PPFIA2: variants seen among roughly 807,000 people sequenced by gnomAD.
The protein encoded by PPFIA2 is liprin-alpha-2.
In PPFIA2, 46 loss-of-function variants were observed where a neutral mutation model predicts 175.5. The observed-to-expected ratio is 0.26, with a 90% CI of 0.21 to 0.34. PPFIA2 has a LOEUF of 0.34. PPFIA2 is among the 10% of genes least tolerant of loss of function. The probability of loss-of-function intolerance (pLI) is 1.00; values close to 1 mark genes in which losing one functional copy is unlikely to be tolerated. For synonymous variants in PPFIA2, 568 were observed against 511.4 expected (o/e 1.11, Z -1.49); for missense variants, 1,179 against 1,506.1 (o/e 0.78, Z 3.60).
chr12:81,551,607 A>AG, intron 4 of PPFIA2, among the ~76,000 whole-genome samples: 1 of 151,908 alleles, frequency 6.6e-6, no homozygotes, highest in Non-Finnish European at 1.5e-5. Flanking sequence ...TTGGTTTCTG[A>AG]GGGGTGAAAT....
At chr12:81,512,531 C>T (rs753789404) in intron 4 of PPFIA2, 1 of 365,764 alleles carries the variant, frequency 2.7e-6, no homozygotes, top group Non-Finnish European at 4.9e-6. Flanking sequence ...AATTTCTAAA[C>T]TTTTTATTGC....
chr12:81,348,812 G>A (rs1475825378), intron 17 of PPFIA2, among the ~76,000 whole-genome samples: 4 of 152,112 alleles, frequency 2.6e-5, no homozygotes, highest in Non-Finnish European at 5.9e-5. Flanking sequence ...TTTGAATCCT[G>A]AATTAAATCT....
chr12:81,528,838 C>T (rs2064082471), intron 4 of PPFIA2, among the ~76,000 whole-genome samples: 1 of 151,806 alleles, frequency 6.6e-6, no homozygotes, highest in South Asian at 2.1e-4. Flanking sequence ...TGAAAAACAA[C>T]AGAAAATTAT....
At chr12:81,597,855 A>T in intron 4 of PPFIA2, 1 of 1,260,168 alleles carries the variant, frequency 7.9e-7, no homozygotes, top group Admixed American at 2.2e-5. Flanking sequence ...CAATACTTCC[A>T]ACCTTTTTAA....
At chr12:81,730,123 C>A (rs771667598) in intron 3 of PPFIA2, among the ~76,000 whole-genome samples, 6 of 151,618 alleles carry the variant, frequency 4.0e-5, no homozygotes, top group Non-Finnish European at 7.4e-5. Context: ...CGTGTTACAG[C>A]AGCAAAAGGA....
At chr12:81,752,337 A>T (rs1217206573) in intron 3 of PPFIA2, among the ~76,000 whole-genome samples, 1 of 152,204 alleles carries the variant, frequency 6.6e-6, no homozygotes, top group Admixed American at 6.5e-5. Flanking sequence ...TAACTCAAAT[A>T]ATCCTCCAAG....
At chr12:81,330,145 G>A (rs1395664026) in intron 21 of PPFIA2, among the ~76,000 whole-genome samples, 2 of 152,130 alleles carry the variant, frequency 1.3e-5, no homozygotes, top group Non-Finnish European at 2.9e-5. Context: ...AGTAGAGCCA[G>A]GGAAGGCCAT....
chr12:81,320,550 TG>T (rs1281266521), intron 22 of PPFIA2, among the ~76,000 whole-genome samples: 3 of 152,056 alleles, frequency 2.0e-5, no homozygotes, highest in Non-Finnish European at 2.9e-5. Context: ...AACTAAAGAT[TG>T]AAAATGATAA....
At chr12:81,618,880 T>G (rs11114937) in intron 4 of PPFIA2, among the ~76,000 whole-genome samples, 9,708 of 152,260 alleles carry the variant, frequency 0.064, 430 homozygotes, top group East Asian at 0.25. Context: ...TGTTGAGTGA[T>G]ATTATTCATT....
At chr12:81,697,665 A>C (rs913474775) in intron 3 of PPFIA2, among the ~76,000 whole-genome samples, 3 of 152,094 alleles carry the variant, frequency 2.0e-5, no homozygotes, top group African/African-American at 7.2e-5. Flanking sequence ...CAGTAGAAAA[A>C]CTTTTCCAAA....
chr12:81,452,286 GT>G (rs2052729209), intron 5 of PPFIA2, among the ~76,000 whole-genome samples: 1 of 152,164 alleles, frequency 6.6e-6, no homozygotes, highest in African/African-American at 2.4e-5. Flanking sequence ...ACAAAACCTT[GT>G]GAATAGTTAT....
At chr12:81,663,547 A>G (rs889008526) in intron 4 of PPFIA2, among the ~76,000 whole-genome samples, 2 of 152,228 alleles carry the variant, frequency 1.3e-5, no homozygotes, top group Admixed American at 1.3e-4. Flanking sequence ...GAGGATACAA[A>G]CAAATGGAAG....
At chr12:81,417,721 T>C (rs2070575342) in intron 7 of PPFIA2, among the ~76,000 whole-genome samples, 1 of 151,784 alleles carries the variant, frequency 6.6e-6, no homozygotes, top group African/African-American at 2.4e-5. Context: ...TTTTATGTGA[T>C]TTTTAAATGT....
chr12:81,322,626 G>C (rs1437529899), intron 22 of PPFIA2, among the ~76,000 whole-genome samples: 1 of 152,114 alleles, frequency 6.6e-6, no homozygotes, highest in Non-Finnish European at 1.5e-5. Context: ...AAACCTGCTG[G>C]AGAAATTTAT....
intron 4 of PPFIA2, among the ~76,000 whole-genome samples, chr12:81,632,537 A>G (rs1458348188): frequency 2.0e-5 from 3 of 152,166 alleles, no homozygotes; most frequent in African/African-American, 7.2e-5. Context: ...CCATATATAC[A>G]TGTAATAGTT....
chr12:81,615,806 C>A (rs1157129062), intron 4 of PPFIA2, among the ~76,000 whole-genome samples: 1 of 152,078 alleles, frequency 6.6e-6, no homozygotes, highest in Admixed American at 6.6e-5. Context: ...AAATGGGCAG[C>A]CCCTGGCAAA....
At chr12:81,702,582 C>A (rs2076625330) in intron 3 of PPFIA2, among the ~76,000 whole-genome samples, 1 of 152,066 alleles carries the variant, frequency 6.6e-6, no homozygotes, top group Non-Finnish European at 1.5e-5. Flanking sequence ...GTACAGAAAG[C>A]CACTGAAAGG....
At chr12:81,649,976 A>G (rs920494815) in intron 4 of PPFIA2, among the ~76,000 whole-genome samples, 2 of 151,448 alleles carry the variant, frequency 1.3e-5, no homozygotes, top group Non-Finnish European at 2.9e-5. Context: ...AACTACATAC[A>G]TTTTTCAAAA....
intron 4 of PPFIA2, among the ~76,000 whole-genome samples, chr12:81,468,448 C>T (rs925833690): frequency 2.4e-4 from 37 of 152,292 alleles, no homozygotes; most frequent in Admixed American, 6.5e-4. Context: ...AGCCAATTTT[C>T]AACAGCTCTG....
Sources: gnomAD v4.1 joint callset for allele counts (sites outside exome capture counted in the v4.1 genomes callset) on GRCh38, gnomAD v4.1.1 for gene constraint, MANE v1.5 for transcripts, NCBI Gene and HGNC (gene_info 2026-07-23, HGNC 2026-07-21) for gene names.